Variants in TLE5 observed in about 807,000 individuals in gnomAD.
TLE5 encodes the protein TLE family member 5.
Under a neutral mutation model 25.8 loss-of-function variants are expected in TLE5, and 7 were observed. That is an observed-to-expected ratio of 0.27 (90% confidence interval 0.15 to 0.51). TLE5 has a LOEUF of 0.51. Among genes scored for constraint, TLE5 ranks in the 20% least tolerant of loss-of-function variants. The pLI is 0.97. For missense variants in TLE5, 149 were observed against 250.7 expected (o/e 0.59, Z 2.74); for synonymous variants, 132 against 110.5 (o/e 1.20, Z -1.22).
At chr19:3,058,300 C>T (rs919709416) in intron 2 of TLE5, among the ~76,000 whole-genome samples, 18 of 152,126 alleles carry the variant, frequency 1.2e-4, no homozygotes, top group African/African-American at 3.6e-4. Flanking sequence ...CGACGAGGCC[C>T]GCAACGTCAT....
upstream of TLE5, chr19:3,062,665 C>G: frequency 7.3e-7 from 1 of 1,369,318 alleles, no homozygotes; most frequent in Non-Finnish European, 9.4e-7. Context: ...GGCCCGCCCC[C>G]GCCCCGGGCA....
At chr19:3,057,468 T>G (rs2145260129) in intron 3 of TLE5, 6 of 557,038 alleles carry the variant, frequency 1.1e-5, no homozygotes, top group Non-Finnish European at 1.6e-5. Flanking sequence ...AACCCGGCGG[T>G]TTGGCACCTC....
At chr19:3,062,543 C>T, upstream of TLE5, 2 of 721,276 alleles carry the variant, frequency 2.8e-6, no homozygotes, top group Non-Finnish European at 3.4e-6. Flanking sequence ...CTGCCGCCGC[C>T]CGTGCCCCGT....
At position 3,057,759 on chromosome 19, in the gene TLE5, G is replaced by T. The variant is rs761856230; in HGVS notation, c.126-17C>A. 1.9e-6 allele frequency: 3 copies of T among 1,613,128 alleles called. No individual in the cohort carries two copies. The highest frequency in any genetic ancestry group is 3.3e-5 in the Admixed American group (2 of 59,962). ...AGCTTGAGGCTGAGGAGGCACAGGG[G>T]GGAGATGGGGTGGTTAGTGGCGGCT... On this transcript the variant is annotated splice_polypyrimidine_tract_variant and intron_variant, in intron 2 of 6. Transcript: ENST00000327141.
Position 3,053,767 on chromosome 19 carries a change from G to T in TLE5, c.*52C>A. ...GTGCTAAACATTCCTTTCTCTCCGTGCCTCTGTCTCCCCTCTGTCCCCCCT... is the reference window on the plus strand; with the variant it reads ...GTGCTAAACATTCCTTTCTCTCCGTTCCTCTGTCTCCCCTCTGTCCCCCCT... On this transcript the variant is annotated 3_prime_UTR_variant, in exon 7 of 7. Coordinates refer to ENST00000327141, the MANE Select transcript of TLE5 (RefSeq NM_001130.6). 1 of 1,554,966 alleles carries T rather than the reference G, an allele frequency of 6.4e-7. No homozygotes were observed. The highest frequency in any genetic ancestry group is 1.7e-5 in the Admixed American group (1 of 58,030).
Position 3,056,220 on chromosome 19 carries a change from CT to C in TLE5, c.234+91del, listed in dbSNP as rs1454709230. 4 of 927,960 alleles carry C rather than the reference CT, an allele frequency of 4.3e-6. No individual in the cohort carries two copies. In the African/African-American group the frequency reaches 5.7e-5, roughly 13 times the overall value. 57.5% of individuals were successfully genotyped at this position (927,960 alleles called of 1,614,324 possible). A position where few individuals can be genotyped will look rare whatever the true frequency, so the allele number is the denominator to read the frequency against. On this transcript the variant is annotated intron_variant, in intron 4 of 6. Coordinates refer to ENST00000327141, the MANE Select transcript of TLE5 (RefSeq NM_001130.6). ...TTGGTGCCCAGCCGAGGGCCGGCCG[CT>C]ACCTGCCTGGGGGTGCCCAAGGCGG...
intron 5 of TLE5, 124 bp from the exon 6 acceptor site, chr19:3,054,318 AGTGG>A: frequency 1.1e-6 from 1 of 904,626 alleles, no homozygotes; most frequent in East Asian, 2.6e-5. Flanking sequence ...TGCTCCTCCC[AGTGG>A]TTTTCAACCC....
intron 5 of TLE5, 23 bp from the exon 6 acceptor site, chr19:3,054,217 G>C (rs1157025208): frequency 6.2e-7 from 1 of 1,602,724 alleles, no homozygotes; most frequent in African/African-American, 1.3e-5. Context: ...CGGGGGAGAG[G>C]AGAGGCAGTG....
At chr19:3,057,875 T>C in intron 2 of TLE5, 133 bp from the exon 3 acceptor site, 1 of 779,182 alleles carries the variant, frequency 1.3e-6, no homozygotes, top group Middle Eastern at 2.5e-4. Context: ...TCTCAGAGGG[T>C]CAAGCAATAA....
At chr19:3,058,924 C>T (rs2090242201) in intron 2 of TLE5, among the ~76,000 whole-genome samples, 2 of 152,186 alleles carry the variant, frequency 1.3e-5, no homozygotes, top group Non-Finnish European at 2.9e-5. Context: ...CTGTGTGACT[C>T]TAGGCAAACT....
In TLE5 at chr19:3,053,897, C is replaced by T; in HGVS notation, c.516G>A (p.Gln172=). 1.2e-6 allele frequency: 2 copies of T among 1,613,222 alleles called. No homozygotes were observed. The highest frequency in any genetic ancestry group is 1.7e-6 in the Non-Finnish European group (2 of 1,180,000). ...GLLSLSALGS[Q]AHLSKEDKNG... is the part of the protein sequence containing the mutation. ...TCTTGTCTTCCTTGGAGAGGTGGGC[C>T]TGGGAACCCAGCGCGGACAGCGAGA... The change falls in exon 7 of 7, where the codon CAG becomes CAA. Residue 172 remains glutamine, a synonymous_variant. Transcript: ENST00000327141.
intron 3 of TLE5, chr19:3,057,438 A>C: frequency 1.9e-6 from 1 of 538,410 alleles, no homozygotes; most frequent in Non-Finnish European, 3.4e-6. Flanking sequence ...CAGCCGGGGG[A>C]CCTGGCAGGG....
intron 1 of TLE5, 98 bp from the exon 2 acceptor site, chr19:3,061,355 C>G (rs535169157): frequency 4.9e-5 from 43 of 877,972 alleles, no homozygotes; most frequent in Middle Eastern, 7.3e-4. Flanking sequence ...CGGCGCCCCC[C>G]CTCCTGCCCC....
intron 2 of TLE5, among the ~76,000 whole-genome samples, chr19:3,059,874 C>G (rs1901672195): frequency 6.6e-6 from 1 of 152,210 alleles, no homozygotes; most frequent in Non-Finnish European, 1.5e-5. Flanking sequence ...AAAGCTGACT[C>G]CAGCACCTTC....
At position 3,061,062 on chromosome 19, in the gene TLE5, A is replaced by G. The variant is rs1261070815; in HGVS notation, c.125+98T>C. 7 of 873,418 alleles carry G rather than the reference A, an allele frequency of 8.0e-6. No individual in the cohort carries two copies. In the Middle Eastern group the frequency reaches 6.7e-4, roughly 84 times the overall value. 54.1% of individuals were successfully genotyped at this position (873,418 alleles called of 1,614,324 possible). ...ATTAGGTCAGAGTCTAGCATATATTATTTTCCCAATCTCCAGGCCTCAGCC... is the reference window on the plus strand; with the variant it reads ...ATTAGGTCAGAGTCTAGCATATATTGTTTTCCCAATCTCCAGGCCTCAGCC... On this transcript the variant is annotated intron_variant, in intron 2 of 6. Coordinates refer to ENST00000327141, the MANE Select transcript of TLE5 (RefSeq NM_001130.6).
intron 5 of TLE5, 184 bp from the exon 6 acceptor site, chr19:3,054,378 GCTCGT>G: frequency 1.6e-6 from 1 of 611,924 alleles, no homozygotes; most frequent in Non-Finnish European, 2.9e-6. Flanking sequence ...CTTTCACCAA[GCTCGT>G]CTCTTCGTCT....
In TLE5 at chr19:3,062,237, T is replaced by A. The variant is rs2090277851; in HGVS notation, c.-37A>T. On this transcript the variant is annotated 5_prime_UTR_variant, in exon 1 of 7. Transcript: ENST00000327141. ...CGGGGGGCGCGGGCTGCGCCCCGGC[T>A]GTGCGCCCCGGCTCGGGCTGCTGGG... 9.1e-7 allele frequency: 1 copy of A among 1,096,568 alleles called. No individual in the cohort carries two copies. The highest frequency in any genetic ancestry group is 1.7e-5 in the African/African-American group (1 of 59,280). 67.9% of individuals were successfully genotyped at this position (1,096,568 alleles called of 1,614,324 possible).
At chr19:3,059,350 C>T (rs945000860) in intron 2 of TLE5, among the ~76,000 whole-genome samples, 20 of 151,932 alleles carry the variant, frequency 1.3e-4, no homozygotes, top group Non-Finnish European at 1.5e-4. Context: ...AACGAAAGCC[C>T]GTCTCTACCG....
chr19:3,062,557 C>A, upstream of TLE5: 1 of 798,174 alleles, frequency 1.3e-6, no homozygotes, highest in South Asian at 5.6e-5. Flanking sequence ...GCCCCGTGCG[C>A]GCCGCCGAGG....
Sources: gnomAD v4.1 joint callset for allele counts (sites outside exome capture counted in the v4.1 genomes callset) on GRCh38, gnomAD v4.1.1 for gene constraint, MANE v1.5 for transcripts, NCBI Gene and HGNC (gene_info 2026-07-23, HGNC 2026-07-21) for gene names.